PLCB1: variants seen among roughly 807,000 people sequenced by gnomAD.
PLCB1 encodes the protein phospholipase C beta 1, also known as 1-phosphatidylinositol 4,5-bisphosphate phosphodiesterase beta-1.
A neutral mutation model predicts 161.8 loss-of-function variants in PLCB1; 46 were observed. The ratio of observed to expected loss-of-function variants is 0.28; its 90% CI spans 0.22 to 0.36. PLCB1 has a LOEUF of 0.36. Among genes scored for constraint, PLCB1 ranks in the 10% least tolerant of loss-of-function variants. PLCB1 has a pLI of 1.00. For synonymous variants in PLCB1, 517 were observed against 503.7 expected, an observed-to-expected ratio of 1.03 and a Z score of -0.35; for missense variants, 1,016 against 1,472.5, an observed-to-expected ratio of 0.69 and a Z score of 5.07.
At chr20:8,353,841 T>C (rs1986268739) in intron 2 of PLCB1, among the ~76,000 whole-genome samples, 1 of 152,066 alleles carries the variant, frequency 6.6e-6, no homozygotes, top group African/African-American at 2.4e-5. Context: ...CTAAGGAATA[T>C]CAATGAAGTA....
At chr20:8,398,221 A>C (rs1236378692) in intron 3 of PLCB1, among the ~76,000 whole-genome samples, 1 of 152,164 alleles carries the variant, frequency 6.6e-6, no homozygotes, top group Non-Finnish European at 1.5e-5. Flanking sequence ...ATGTATATAC[A>C]TACATATATT....
chr20:8,307,256 T>C (rs1369908919), intron 2 of PLCB1, among the ~76,000 whole-genome samples: 1 of 152,198 alleles, frequency 6.6e-6, no homozygotes, highest in Non-Finnish European at 1.5e-5. Flanking sequence ...GAGGGGTCAG[T>C]TGAAAGGCTC....
At chr20:8,730,553 AT>A (rs959673363) in intron 18 of PLCB1, among the ~76,000 whole-genome samples, 1 of 151,816 alleles carries the variant, frequency 6.6e-6, no homozygotes, top group African/African-American at 2.4e-5. Context: ...TTAATTTTCA[AT>A]TCCTTTTTTG....
At chr20:8,370,669 C>T (rs2035494458) in intron 2 of PLCB1, among the ~76,000 whole-genome samples, 1 of 152,106 alleles carries the variant, frequency 6.6e-6, no homozygotes, top group South Asian at 2.1e-4. Flanking sequence ...CTCTGAGCCC[C>T]TAGGAAAAAA....
At chr20:8,378,217 A>AGG (rs1311789622) in intron 3 of PLCB1, among the ~76,000 whole-genome samples, 1 of 152,340 alleles carries the variant, frequency 6.6e-6, no homozygotes, top group Admixed American at 6.5e-5. Context: ...ACCTGAGGGA[A>AGG]CCTTGAAGAC....
intron 3 of PLCB1, among the ~76,000 whole-genome samples, chr20:8,621,316 A>G (rs1988177127): frequency 6.6e-6 from 1 of 152,224 alleles, no homozygotes; most frequent in East Asian, 1.9e-4. Context: ...AGGTGGTAGC[A>G]TATGTCAAAA....
At position 8,733,368 on chromosome 20, in the gene PLCB1, A is replaced by C; in HGVS notation, c.2019A>C (p.Ile673=). Residue 673 remains isoleucine, a synonymous_variant, in exon 19 of 32, where the codon ATA becomes ATC. Coordinates refer to ENST00000338037, the MANE Select transcript of PLCB1 (RefSeq NM_015192.4). ...TTACTGAAGGCATCGTAGATGGGATAGTGGCAAACACTTTGTCTGTTAAGG... is the reference window on the plus strand; with the variant it reads ...TTACTGAAGGCATCGTAGATGGGATCGTGGCAAACACTTTGTCTGTTAAGG... ...DPFTEGIVDG[I]VANTLSVKII... The C allele has an allele frequency of 6.2e-7, 1 of 1,614,046 alleles. No homozygotes were observed. Among genetic ancestry groups the C allele is most frequent in the Non-Finnish European group, 8.5e-7 (1 of 1,179,938 alleles).
At chr20:8,209,253 C>T (rs993037581) in intron 2 of PLCB1, among the ~76,000 whole-genome samples, 13 of 151,634 alleles carry the variant, frequency 8.6e-5, no homozygotes, top group Admixed American at 5.9e-4. Flanking sequence ...TGTTTAACCT[C>T]GGGGTTTGTC....
chr20:8,536,270 A>G lies in PLCB1; in HGVS notation c.247-92024A>G, dbSNP rs73593786. ...GAGAAAGAAAGTTCATGGATATACAAGAAGAAAAAAAAATTTGGAAAAAAA... is the reference window on the plus strand; with the variant it reads ...GAGAAAGAAAGTTCATGGATATACAGGAAGAAAAAAAAATTTGGAAAAAAA... On this transcript the variant is annotated intron_variant, in intron 3 of 31. Transcript: ENST00000338037. Among the ~76,000 whole-genome samples the G allele has an allele frequency of 9.1e-3, 1,381 of 151,272 alleles. 19 individuals carry two copies. The highest frequency in any genetic ancestry group is 0.029 in the African/African-American group (1,212 of 41,480).
chr20:8,380,453 AT>A (rs1337885051), intron 3 of PLCB1, among the ~76,000 whole-genome samples: 1 of 152,104 alleles, frequency 6.6e-6, no homozygotes, highest in African/African-American at 2.4e-5. Context: ...CCCATATGAA[AT>A]TTAAAGTAGT....
At chr20:8,516,037 C>A (rs1227461415) in intron 3 of PLCB1, among the ~76,000 whole-genome samples, 1 of 152,146 alleles carries the variant, frequency 6.6e-6, no homozygotes, top group African/African-American at 2.4e-5. Context: ...AGGGGAACTT[C>A]CCATTGTAAA....
At chr20:8,357,351 GT>G (rs1310745475) in intron 2 of PLCB1, among the ~76,000 whole-genome samples, 2 of 152,198 alleles carry the variant, frequency 1.3e-5, no homozygotes, top group African/African-American at 4.8e-5. Context: ...AACCAATAAT[GT>G]GTTTCTTTGA....
At chr20:8,649,757 T>C in intron 7 of PLCB1, 1 of 379,646 alleles carries the variant, frequency 2.6e-6, no homozygotes, top group Non-Finnish European at 4.9e-6. Flanking sequence ...CTCTCCACCT[T>C]GGACTTCCCA....
intron 12 of PLCB1, among the ~76,000 whole-genome samples, chr20:8,710,451 A>G (rs891022605): frequency 1.3e-5 from 2 of 150,566 alleles, no homozygotes; most frequent in African/African-American, 4.9e-5. Flanking sequence ...AAACCATATC[A>G]CAATACTTGA....
chr20:8,320,734 G>A (rs71330234), intron 2 of PLCB1, among the ~76,000 whole-genome samples: 3,400 of 149,658 alleles, frequency 0.023, 51 homozygotes, highest in Middle Eastern at 0.034. Flanking sequence ...ATCCATTCAC[G>A]TGTCATCAAG....
intron 3 of PLCB1, among the ~76,000 whole-genome samples, chr20:8,413,500 A>G (rs1301374923): frequency 1.3e-5 from 2 of 152,246 alleles, no homozygotes; most frequent in Admixed American, 6.5e-5. Context: ...TTTGATAATT[A>G]AAGTACACAA....
rs71183092 is a variant in PLCB1 at position 8,486,481 on chromosome 20, A to ATTTTT, written c.246+115053_246+115057dup. Among the ~76,000 whole-genome samples the ATTTTT allele has an allele frequency of 2.8e-3, 238 of 85,782 alleles. 17 individuals are homozygous for ATTTTT. Among genetic ancestry groups the ATTTTT allele is most frequent in the African/African-American group, 9.3e-3 (203 of 21,858 alleles). The allele number at this position is 85,782 out of a possible 152,430, so 56.3% of individuals were successfully genotyped here. A position where few individuals can be genotyped will look rare whatever the true frequency, so the allele number is the denominator to read the frequency against. On this transcript the variant is annotated intron_variant, in intron 3 of 31. Transcript: ENST00000338037. ...CTCTCAGCTGCTTTTATTCCAAAAT[A>ATTTTT]TTTTTTTTTTTTTTTTTTTTTTTTT...
intron 31 of PLCB1, among the ~76,000 whole-genome samples, chr20:8,816,894 C>A (rs891214575): frequency 6.6e-6 from 1 of 152,206 alleles, no homozygotes. Context: ...AAGCTTTCCT[C>A]TAACTGTTCA....
intron 3 of PLCB1, among the ~76,000 whole-genome samples, chr20:8,562,635 G>A (rs762819896): frequency 1.3e-5 from 2 of 152,036 alleles, no homozygotes; most frequent in East Asian, 1.9e-4. Context: ...GTACACTGGC[G>A]CTCCTCTGTG....
Sources: allele counts gnomAD v4.1 joint callset (sites outside exome capture counted in the v4.1 genomes callset), GRCh38; gene constraint gnomAD v4.1.1; transcripts MANE v1.5; gene names NCBI Gene and HGNC (gene_info 2026-07-23, HGNC 2026-07-21).